BICRA: variants seen among roughly 807,000 people sequenced by gnomAD.
BICRA encodes BRD4-interacting chromatin-remodeling complex-associated protein.
A neutral mutation model predicts 96.9 loss-of-function variants in BICRA; 31 were observed. The ratio of observed to expected loss-of-function variants is 0.32; its 90% CI spans 0.24 to 0.43. The LOEUF (loss-of-function observed/expected upper bound fraction) is 0.43. Ranked by LOEUF, BICRA falls within the 20% of genes least tolerant of loss-of-function variation. The probability of loss-of-function intolerance (pLI) is 1.00; values close to 1 mark genes in which losing one functional copy is unlikely to be tolerated. For missense variants in BICRA, 2,283 were observed against 2,190.3 expected (o/e 1.04, Z -0.84); for synonymous variants, 1,350 against 1,071.8 (o/e 1.26, Z -5.07).
rs1433288455 is a variant in BICRA, at chr19:47,644,617, C to A, written c.-107-25826C>A. 3.3e-5 allele frequency among the ~76,000 whole-genome samples: 5 copies of A among 151,994 alleles called. No individual in the cohort carries two copies. The East Asian group carries it at 9.6e-4, about 29-fold the overall frequency. ...TTGGGTTCAAGCAACCCTCCTGCCT[C>A]AGCCTCCAGAGCAGCTGGGATTACA... On this transcript the variant is annotated intron_variant, in intron 1 of 14. Transcript: ENST00000594866.
intron 1 of BICRA, among the ~76,000 whole-genome samples, chr19:47,637,515 A>G (rs1269800206): frequency 6.6e-6 from 1 of 152,212 alleles, no homozygotes; most frequent in Non-Finnish European, 1.5e-5. Flanking sequence ...GCTGGGTTCA[A>G]GTGATTCTCC....
chr19:47,684,517 G>C (rs113948600), intron 7 of BICRA, among the ~76,000 whole-genome samples: 1 of 151,936 alleles, frequency 6.6e-6, no homozygotes, highest in Non-Finnish European at 1.5e-5. Flanking sequence ...ATGGGGTTTC[G>C]CCATGTTGGC....
chr19:47,634,437 A>G (rs149560435), intron 1 of BICRA, among the ~76,000 whole-genome samples: 1 of 152,172 alleles, frequency 6.6e-6, no homozygotes, highest in Non-Finnish European at 1.5e-5. Flanking sequence ...AGAGGAAGGA[A>G]TTCAGAAAGA....
At chr19:47,700,253 T>C (rs1973419297) in intron 14 of BICRA, 2 of 152,366 alleles carry the variant, frequency 1.3e-5, no homozygotes, top group South Asian at 4.1e-4. Flanking sequence ...CAATCTCTTA[T>C]CTGACACCCT....
intron 1 of BICRA, among the ~76,000 whole-genome samples, chr19:47,650,941 C>T (rs1296149432): frequency 2.0e-5 from 3 of 152,176 alleles, no homozygotes; most frequent in African/African-American, 7.2e-5. Context: ...CCTGGCCCAC[C>T]CGGCCTTCTC....
At chr19:47,695,761 T>C (rs1389211637) in intron 10 of BICRA, among the ~76,000 whole-genome samples, 1 of 151,280 alleles carries the variant, frequency 6.6e-6, no homozygotes, top group African/African-American at 2.4e-5. Context: ...GCAGGTGATA[T>C]GGACACAGGA....
At position 47,698,624 on chromosome 19, in the gene BICRA, C is replaced by T; in HGVS notation, c.3249-10C>T. 2.0e-6 allele frequency: 2 copies of T among 1,016,758 alleles called. No homozygotes were observed. The highest frequency in any genetic ancestry group is 1.4e-6 in the Non-Finnish European group (1 of 695,218). The allele number at this position is 1,016,758 out of a possible 1,614,324, so 63.0% of individuals were successfully genotyped here. ...CCGCCGTGTGTGGTCTCTCCCCTTT[C>T]CACCCGCAGTTTCCTGGAGCATTTG... On this transcript the variant is annotated splice_polypyrimidine_tract_variant and intron_variant, in intron 11 of 14. Coordinates refer to ENST00000594866, the MANE Select transcript of BICRA (RefSeq NM_001394372.1). The surrounding 1 kb of genome is among the most constrained non-coding windows in gnomAD (Gnocchi z 4.8).
At chr19:47,646,248 C>G (rs1244001201) in intron 1 of BICRA, among the ~76,000 whole-genome samples, 1 of 152,194 alleles carries the variant, frequency 6.6e-6, no homozygotes, top group Non-Finnish European at 1.5e-5. Context: ...GTCCCCAGAC[C>G]TGGGATTTCT....
At position 47,695,348 on chromosome 19, in the gene BICRA, A is replaced by ACCCCCCCCCCC; in HGVS notation, c.3077-13_3077-12insCCCCCCCCCCC. The ACCCCCCCCCCC allele has an allele frequency of 2.7e-6, 1 of 365,008 alleles. No homozygotes were observed. Among genetic ancestry groups the ACCCCCCCCCCC allele is most frequent in the African/African-American group, 4.1e-5 (1 of 24,660 alleles). 22.6% of individuals were successfully genotyped at this position (365,008 alleles called of 1,614,324 possible). ...AGTGACCGCAGGCCCTGTCTCCCCC[A>ACCCCCCCCCCC]CCCCACCCACCCCCAGGCCTCCCTC... On this transcript the variant is annotated splice_polypyrimidine_tract_variant and intron_variant, in intron 9 of 14. Transcript: ENST00000594866.
chr19:47,668,775 G>A (rs1972820835), intron 1 of BICRA, among the ~76,000 whole-genome samples: 1 of 152,092 alleles, frequency 6.6e-6, no homozygotes, highest in Admixed American at 6.5e-5. Context: ...ACAGGCATGA[G>A]CCACGGCGCC....
intron 5 of BICRA, among the ~76,000 whole-genome samples, chr19:47,676,464 T>C (rs1473916766): frequency 1.3e-5 from 2 of 152,064 alleles, no homozygotes; most frequent in African/African-American, 4.8e-5. Context: ...GTCCCATGAC[T>C]AAGTGCCAGT....
At chr19:47,652,364 A>T (rs1972553052) in intron 1 of BICRA, among the ~76,000 whole-genome samples, 1 of 152,026 alleles carries the variant, frequency 6.6e-6, no homozygotes, top group Non-Finnish European at 1.5e-5. Context: ...TTTTTAAAAA[A>T]TTTTTTAGAG....
intron 1 of BICRA, among the ~76,000 whole-genome samples, chr19:47,629,493 A>G (rs1036055430): frequency 2.6e-5 from 4 of 152,182 alleles, no homozygotes; most frequent in African/African-American, 9.7e-5. Flanking sequence ...GTGGTGTGGC[A>G]TGTGACAGGA....
chr19:47,651,129 T>A (rs750021292), intron 1 of BICRA, among the ~76,000 whole-genome samples: 1 of 152,140 alleles, frequency 6.6e-6, no homozygotes, highest in Admixed American at 6.6e-5. Flanking sequence ...CGTCCTCACC[T>A]TCTGCAGTCC....
chr19:47,655,072 G>C (rs1170384788), intron 1 of BICRA, among the ~76,000 whole-genome samples: 1 of 152,132 alleles, frequency 6.6e-6, no homozygotes, highest in East Asian at 1.9e-4. Flanking sequence ...TCACAGAATA[G>C]CAAAAAATTT....
rs539583720 is a variant in BICRA, at chr19:47,675,135, C to A, written c.85-716C>A. 5.3e-5 allele frequency among the ~76,000 whole-genome samples: 8 copies of A among 152,204 alleles called. No individual in the cohort carries two copies. The highest frequency in any genetic ancestry group is 1.9e-4 in the African/African-American group (8 of 41,542). Reference sequence around the variant, plus strand: ...GAGGGGGAGAGAGTGTCCACCATGGCTCCTGGATTTTGGCTTGAGCAACTG... The same window carrying A: ...GAGGGGGAGAGAGTGTCCACCATGGATCCTGGATTTTGGCTTGAGCAACTG... On this transcript the variant is annotated intron_variant, in intron 4 of 14. Transcript: ENST00000594866. The surrounding 1 kb of genome is among the most constrained non-coding windows in gnomAD (Gnocchi z 4.7).
chr19:47,611,721 T>A (rs1230860575), intron 1 of BICRA, among the ~76,000 whole-genome samples: 2 of 152,094 alleles, frequency 1.3e-5, no homozygotes, highest in Non-Finnish European at 1.5e-5. Flanking sequence ...GCTGGTCCTG[T>A]TTTCTCATCT....
At chr19:47,677,186 C>T (rs1389245865) in intron 5 of BICRA, among the ~76,000 whole-genome samples, 2 of 152,184 alleles carry the variant, frequency 1.3e-5, no homozygotes, top group Non-Finnish European at 2.9e-5. Flanking sequence ...AGATGCTTCT[C>T]GAGCACCTGC....
chr19:47,637,782 A>G (rs1039222316), intron 1 of BICRA, among the ~76,000 whole-genome samples: 7 of 152,030 alleles, frequency 4.6e-5, no homozygotes, highest in Non-Finnish European at 1.0e-4. Context: ...TCACATAAAC[A>G]TGATCGTACA....
Sources: allele counts gnomAD v4.1 joint callset (sites outside exome capture counted in the v4.1 genomes callset), GRCh38; gene constraint gnomAD v4.1.1; non-coding constraint Gnocchi (gnomAD v3.1); transcripts MANE v1.5; gene names NCBI Gene and HGNC (gene_info 2026-07-23, HGNC 2026-07-21).